The following FRMD4B variants were observed in gnomAD, a reference collection of about 807,000 sequenced individuals.
FRMD4B encodes the protein FERM domain containing 4B.
FRMD4B carries 74 observed loss-of-function variants against 141.5 expected under a neutral mutation model. The ratio of observed to expected loss-of-function variants is 0.52; its 90% CI spans 0.43 to 0.63. The LOEUF is 0.63. FRMD4B is among the 30% of genes least tolerant of loss of function. The probability of loss-of-function intolerance (pLI) is 0.00; values close to 1 mark genes in which losing one functional copy is unlikely to be tolerated. For missense variants in FRMD4B, 1,366 were observed against 1,253.4 expected, an observed-to-expected ratio of 1.09 and a Z score of -1.36; for synonymous variants, 506 against 467.9, an observed-to-expected ratio of 1.08 and a Z score of -1.05.
intron 1 of FRMD4B, among the ~76,000 whole-genome samples, chr3:69,324,127 C>A (rs372917078): frequency 3.9e-5 from 6 of 152,326 alleles, no homozygotes; most frequent in East Asian, 3.9e-4. Context: ...TGCTATTGAT[C>A]TTCCTTGGGC....
intron 5 of FRMD4B, among the ~76,000 whole-genome samples, chr3:69,252,084 G>A (rs1485056709): frequency 1.3e-5 from 2 of 152,070 alleles, no homozygotes; most frequent in African/African-American, 2.4e-5. Context: ...GACATCCCAC[G>A]ACCCACCTTT....
chr3:69,209,654 G>T (rs962524229), intron 11 of FRMD4B, among the ~76,000 whole-genome samples: 5 of 152,206 alleles, frequency 3.3e-5, no homozygotes, highest in Admixed American at 3.3e-4. Context: ...TCCTCCCACT[G>T]ACTCTGCAGA....
intron 1 of FRMD4B, among the ~76,000 whole-genome samples, chr3:69,345,063 G>C (rs1702885806): frequency 6.6e-6 from 1 of 151,878 alleles, no homozygotes; most frequent in Admixed American, 6.6e-5. Context: ...GAAGCACAAG[G>C]GGTCAGGGAA....
chr3:69,257,650 A>G (rs549852506), intron 5 of FRMD4B, among the ~76,000 whole-genome samples: 198 of 151,998 alleles, frequency 1.3e-3, no homozygotes, highest in African/African-American at 4.7e-3. Flanking sequence ...CTATATTTTA[A>G]TATGTTCAGG....
intron 4 of FRMD4B, among the ~76,000 whole-genome samples, chr3:69,289,533 C>T (rs1194334851): frequency 6.6e-6 from 1 of 152,180 alleles, no homozygotes; most frequent in African/African-American, 2.4e-5. Flanking sequence ...CAGTGGCTCA[C>T]GCCTGTAATC....
At chr3:69,385,338 T>C (rs1704222781) in intron 1 of FRMD4B, among the ~76,000 whole-genome samples, 1 of 152,162 alleles carries the variant, frequency 6.6e-6, no homozygotes, top group African/African-American at 2.4e-5. Flanking sequence ...AATCAGCTTT[T>C]CCTGGCTCTG....
At chr3:69,221,052 T>A (rs991688434) in intron 9 of FRMD4B, among the ~76,000 whole-genome samples, 2 of 151,860 alleles carry the variant, frequency 1.3e-5, no homozygotes, top group Non-Finnish European at 2.9e-5. Context: ...AACATCCGCC[T>A]CCCTGGTTTA....
chr3:69,481,040 C>T (rs1354991857), intron 1 of FRMD4B, among the ~76,000 whole-genome samples: 7 of 152,124 alleles, frequency 4.6e-5, no homozygotes, highest in South Asian at 2.1e-4. Flanking sequence ...TCTCCTGGTG[C>T]GCCGTTTTTT....
intron 19 of FRMD4B, among the ~76,000 whole-genome samples, chr3:69,186,041 C>CA (rs551712481): frequency 0.058 from 4,759 of 81,462 alleles, 193 homozygotes; most frequent in African/African-American, 0.17. Flanking sequence ...GACTCTGTCT[C>CA]AAAAAAAAAA....
chr3:69,455,355 G>C (rs1394953830), intron 1 of FRMD4B, among the ~76,000 whole-genome samples: 1 of 152,146 alleles, frequency 6.6e-6, no homozygotes, highest in Non-Finnish European at 1.5e-5. Flanking sequence ...TGTTATTTGG[G>C]TCTGCACTGC....
intron 1 of FRMD4B, among the ~76,000 whole-genome samples, chr3:69,526,417 A>G (rs1464331799): frequency 1.3e-5 from 2 of 152,094 alleles, no homozygotes; most frequent in African/African-American, 4.8e-5. Flanking sequence ...TTCCTAAATA[A>G]ACTACTTGTA....
chr3:69,480,702 C>T (rs2106982262), intron 1 of FRMD4B, among the ~76,000 whole-genome samples: 1 of 152,310 alleles, frequency 6.6e-6, no homozygotes, highest in Middle Eastern at 3.4e-3. Flanking sequence ...TCTCAGATCT[C>T]CAGCTGCGTG....
At chr3:69,538,904 T>C (rs937494512) in intron 1 of FRMD4B, among the ~76,000 whole-genome samples, 1 of 152,114 alleles carries the variant, frequency 6.6e-6, no homozygotes, top group African/African-American at 2.4e-5. Context: ...AACAACTACA[T>C]TGAAAAAGGG....
intron 10 of FRMD4B, among the ~76,000 whole-genome samples, chr3:69,216,759 C>T (rs1326381065): frequency 1.3e-5 from 2 of 151,982 alleles, no homozygotes; most frequent in Admixed American, 1.3e-4. Context: ...ATCAGCAAGT[C>T]AAAATAAAGC....
At chr3:69,226,763 T>A (rs376225866) in intron 7 of FRMD4B, among the ~76,000 whole-genome samples, 1 of 152,222 alleles carries the variant, frequency 6.6e-6, no homozygotes, top group Non-Finnish European at 1.5e-5. Context: ...ATGATGGAAC[T>A]GTTTTTAACT....
chr3:69,536,337 G>T (rs1701084400), intron 1 of FRMD4B: 1 of 664,562 alleles, frequency 1.5e-6, no homozygotes, highest in Non-Finnish European at 2.7e-6. Flanking sequence ...AGCTGCCAGT[G>T]GCCCCCCTTG....
intron 1 of FRMD4B, among the ~76,000 whole-genome samples, chr3:69,444,599 T>C (rs1195113976): frequency 1.3e-5 from 2 of 152,114 alleles, no homozygotes; most frequent in African/African-American, 4.8e-5. Context: ...TCTCACCCCA[T>C]ACCTTCCAAA....
chr3:69,208,844 T>G (rs989611762), intron 11 of FRMD4B, among the ~76,000 whole-genome samples: 1 of 152,236 alleles, frequency 6.6e-6, no homozygotes, highest in East Asian at 1.9e-4. Flanking sequence ...TTATTTTTAG[T>G]AATAGAACAT....
At chr3:69,311,610 A>G (rs1394349601) in intron 2 of FRMD4B, among the ~76,000 whole-genome samples, 1 of 152,128 alleles carries the variant, frequency 6.6e-6, no homozygotes, top group Admixed American at 6.6e-5. Context: ...AGTACCTTAC[A>G]TTTTCCCTCT....
Sources: allele counts gnomAD v4.1 joint callset (sites outside exome capture counted in the v4.1 genomes callset), GRCh38; gene constraint gnomAD v4.1.1; transcripts MANE v1.5; gene names NCBI Gene and HGNC (gene_info 2026-07-23, HGNC 2026-07-21).